Variants in VPS37A observed in about 807,000 individuals in gnomAD.
The protein encoded by VPS37A is VPS37A subunit of ESCRT-I.
VPS37A carries 30 observed loss-of-function variants against 49.8 expected under a neutral mutation model. The ratio of observed to expected loss-of-function variants is 0.60; its 90% CI spans 0.45 to 0.82. VPS37A has a LOEUF of 0.82. Ranked by LOEUF, VPS37A falls within the 40% of genes least tolerant of loss-of-function variation. VPS37A has a pLI of 0.00. For synonymous variants in VPS37A, 195 were observed against 160.6 expected, an observed-to-expected ratio of 1.21 and a Z score of -1.62; for missense variants, 593 against 464.4, an observed-to-expected ratio of 1.28 and a Z score of -2.55.
rs534981698 is a variant in VPS37A, at chr8:17,267,178, A to T, written c.201-1080A>T. Among the ~76,000 whole-genome samples the T allele has an allele frequency of 1.5e-4, 23 of 152,294 alleles. 1 individual carries two copies. The highest frequency in any genetic ancestry group is 5.3e-4 in the African/African-American group (22 of 41,568). Reference sequence around the variant, plus strand: ...AGGCCATTTAGTGCCTTTTTTACCAAACTAGTTTTAAAATCTTCAGCTTTG... The same window carrying T: ...AGGCCATTTAGTGCCTTTTTTACCATACTAGTTTTAAAATCTTCAGCTTTG... On this transcript the variant is annotated intron_variant, in intron 2 of 11. Transcript: ENST00000324849.
intron 11 of VPS37A, among the ~76,000 whole-genome samples, chr8:17,289,466 TC>T (rs1815933890): frequency 6.6e-6 from 1 of 152,144 alleles, no homozygotes. Context: ...AGGGAATCCT[TC>T]CCCCATTGCT....
downstream of VPS37A, among the ~76,000 whole-genome samples, chr8:17,303,686 C>T (rs994934670): frequency 7.3e-5 from 11 of 151,678 alleles, no homozygotes; most frequent in African/African-American, 1.2e-4. Context: ...CTCGGCTCAC[C>T]GCAACCTCCT....
At chr8:17,306,906 T>A (rs1445629528), downstream of VPS37A, among the ~76,000 whole-genome samples, 3 of 136,022 alleles carry the variant, frequency 2.2e-5, no homozygotes, top group African/African-American at 8.7e-5. Flanking sequence ...ATTAAAGACT[T>A]AAACGTTAGA....
the VPS37A span, among the ~76,000 whole-genome samples, chr8:17,308,085 G>A: frequency 6.6e-6 from 1 of 151,638 alleles, no homozygotes; most frequent in East Asian, 1.9e-4. Context: ...AAAAATAATT[G>A]CATTATGGGA....
the VPS37A span, among the ~76,000 whole-genome samples, chr8:17,330,534 T>C: frequency 8.1e-3 from 1,236 of 152,372 alleles, 9 homozygotes; most frequent in Non-Finnish European, 0.014. Flanking sequence ...CATCAGCATA[T>C]GGCTGGTTGG....
rs1816726216 is a variant in VPS37A at position 17,297,189 on chromosome 8, G to C, written c.*2203G>C. 1 of 152,128 alleles carries C rather than the reference G, an allele frequency of 6.6e-6. No homozygotes were observed. The highest frequency in any genetic ancestry group is 1.5e-5 in the Non-Finnish European group (1 of 68,002). 9.4% of individuals were successfully genotyped at this position (152,128 alleles called of 1,614,324 possible). A position where few individuals can be genotyped will look rare whatever the true frequency, so the allele number is the denominator to read the frequency against. On this transcript the variant is annotated 3_prime_UTR_variant, in exon 12 of 12. Transcript: ENST00000324849. ...AATCAGAATTAAAGAGGAATACTTAGGAGTTACTAGGCTAATCAGTGTACG... is the reference window on the plus strand; with the variant it reads ...AATCAGAATTAAAGAGGAATACTTACGAGTTACTAGGCTAATCAGTGTACG...
intron 10 of VPS37A, 86 bp from the exon 11 acceptor site, chr8:17,286,261 A>T: frequency 9.6e-7 from 1 of 1,039,992 alleles, no homozygotes; most frequent in Non-Finnish European, 1.4e-6. Context: ...CCAACAAGTT[A>T]AAAGCTTCCT....
intron 1 of VPS37A, among the ~76,000 whole-genome samples, chr8:17,264,603 T>A (rs1813276360): frequency 6.6e-6 from 1 of 152,166 alleles, no homozygotes; most frequent in African/African-American, 2.4e-5. Flanking sequence ...TATCTTAAGA[T>A]TTACATATCC....
chr8:17,269,730 C>T (rs2150379976), intron 4 of VPS37A, among the ~76,000 whole-genome samples: 1 of 152,248 alleles, frequency 6.6e-6, no homozygotes, highest in East Asian at 1.9e-4. Flanking sequence ...GTATTGGATT[C>T]TCCATTTCTT....
At chr8:17,282,608 T>C (rs1222802914) in intron 9 of VPS37A, among the ~76,000 whole-genome samples, 1 of 152,178 alleles carries the variant, frequency 6.6e-6, no homozygotes, top group East Asian at 1.9e-4. Flanking sequence ...AGTGGTCTAT[T>C]GGAAAAGGAA....
chr8:17,264,070 A>G (rs534470031), intron 1 of VPS37A, among the ~76,000 whole-genome samples: 1 of 152,322 alleles, frequency 6.6e-6, no homozygotes, highest in South Asian at 2.1e-4. Flanking sequence ...TGGGGGATTT[A>G]CATGCATTAT....
chr8:17,305,850 T>G (rs201455556), downstream of VPS37A: 42 of 1,613,584 alleles, frequency 2.6e-5, no homozygotes, highest in Admixed American at 8.3e-5. Context: ...AAACCTCTCA[T>G]TGAACTCAAA....
At chr8:17,256,713 C>G (rs1314774401) in intron 1 of VPS37A, among the ~76,000 whole-genome samples, 2 of 151,548 alleles carry the variant, frequency 1.3e-5, no homozygotes, top group Non-Finnish European at 2.9e-5. Flanking sequence ...AGTGCAATGG[C>G]ACTGTCTCGG....
intron 2 of VPS37A, among the ~76,000 whole-genome samples, chr8:17,266,977 T>C (rs1297903334): frequency 6.6e-6 from 1 of 152,110 alleles, no homozygotes; most frequent in Non-Finnish European, 1.5e-5. Context: ...TTCACCATGT[T>C]GGTCAGGCTG....
intron 1 of VPS37A, among the ~76,000 whole-genome samples, chr8:17,262,997 G>T (rs1370715250): frequency 6.6e-6 from 1 of 150,820 alleles, no homozygotes; most frequent in Non-Finnish European, 1.5e-5. Context: ...GGAGGCAGAG[G>T]TTGCAGTGAG....
chr8:17,272,274 TTTTG>T (rs1201547948), intron 4 of VPS37A, among the ~76,000 whole-genome samples: 5 of 152,120 alleles, frequency 3.3e-5, no homozygotes, highest in African/African-American at 1.2e-4. Context: ...CACTTTAGAT[TTTTG>T]TTGTTGTTGT....
chr8:17,298,815 A>AAAAC (rs1816909762), downstream of VPS37A: 1 of 152,540 alleles, frequency 6.6e-6, no homozygotes, highest in African/African-American at 2.4e-5. Context: ...GCAGTGTAAC[A>AAAAC]AAACAAAAAT....
chr8:17,325,701 G>C, the VPS37A span, among the ~76,000 whole-genome samples: 1 of 152,198 alleles, frequency 6.6e-6, no homozygotes, highest in African/African-American at 2.4e-5. Flanking sequence ...CCTATGTCTT[G>C]TTTATTAAAT....
chr8:17,269,375 A>C (rs540548000), intron 4 of VPS37A, among the ~76,000 whole-genome samples: 2 of 152,220 alleles, frequency 1.3e-5, no homozygotes, highest in East Asian at 3.9e-4. Flanking sequence ...TACCATGTTT[A>C]CATTTCCCTT....
Sources: allele counts gnomAD v4.1 joint callset (sites outside exome capture counted in the v4.1 genomes callset), GRCh38; gene constraint gnomAD v4.1.1; transcripts MANE v1.5; gene names NCBI Gene and HGNC (gene_info 2026-07-23, HGNC 2026-07-21).